Variants in NALF1 observed in about 807,000 individuals in gnomAD.
NALF1 encodes family with sequence similarity 155 member A.
NALF1 carries 3 observed loss-of-function variants against 48.4 expected under a neutral mutation model. That is an observed-to-expected ratio of 0.06 (90% CI 0.03 to 0.16). The LOEUF (loss-of-function observed/expected upper bound fraction) is 0.16, where lower values mean the gene tolerates loss of function less well. NALF1 is among the 10% of genes least tolerant of loss of function. The probability of loss-of-function intolerance (pLI) is 1.00; values close to 1 mark genes in which losing one functional copy is unlikely to be tolerated. For synonymous variants in NALF1, 262 were observed against 245.7 expected (o/e 1.07, Z -0.62); for missense variants, 526 against 571.5 (o/e 0.92, Z 0.81).
intron 1 of NALF1, among the ~76,000 whole-genome samples, chr13:107,832,760 C>T (rs780671615): frequency 2.6e-5 from 4 of 152,286 alleles, no homozygotes; most frequent in Non-Finnish European, 2.9e-5. Flanking sequence ...TCTCCTCTGT[C>T]TCGCTAATTA....
chr13:107,818,213 T>A (rs1023516658), intron 1 of NALF1, among the ~76,000 whole-genome samples: 1 of 152,134 alleles, frequency 6.6e-6, no homozygotes, highest in African/African-American at 2.4e-5. Context: ...TTGCTCCCGT[T>A]CAGTTAGACA....
intron 1 of NALF1, among the ~76,000 whole-genome samples, chr13:107,526,412 T>C (rs950504886): frequency 6.6e-6 from 1 of 152,178 alleles, no homozygotes; most frequent in Non-Finnish European, 1.5e-5. Flanking sequence ...TTATGTTATC[T>C]ATGTATCCCT....
chr13:107,582,149 C>A (rs1268357016), intron 1 of NALF1, among the ~76,000 whole-genome samples: 1 of 152,158 alleles, frequency 6.6e-6, no homozygotes, highest in African/African-American at 2.4e-5. Flanking sequence ...ATTTTGTTGA[C>A]TCATGGTGCC....
chr13:107,404,579 T>C (rs903542547), intron 1 of NALF1, among the ~76,000 whole-genome samples: 20 of 152,220 alleles, frequency 1.3e-4, no homozygotes, highest in African/African-American at 4.3e-4. Context: ...ATGAAAATTG[T>C]AGGGAACAAA....
chr13:107,745,149 G>A (rs1315599878), intron 1 of NALF1, among the ~76,000 whole-genome samples: 1 of 152,164 alleles, frequency 6.6e-6, no homozygotes, highest in Admixed American at 6.6e-5. Flanking sequence ...ATTTTTAACT[G>A]CAACTAAAAC....
chr13:107,637,324 A>G (rs1880006526), intron 1 of NALF1, among the ~76,000 whole-genome samples: 1 of 151,966 alleles, frequency 6.6e-6, no homozygotes, highest in Admixed American at 6.6e-5. Flanking sequence ...TCATGATGTA[A>G]TTATTCTATT....
chr13:107,271,759 T>C (rs1881170120), intron 1 of NALF1, among the ~76,000 whole-genome samples: 1 of 144,276 alleles, frequency 6.9e-6, no homozygotes, highest in Non-Finnish European at 1.5e-5. Flanking sequence ...TTCCTTCTCC[T>C]CTTTTGCTAC....
intron 1 of NALF1, among the ~76,000 whole-genome samples, chr13:107,377,314 G>A (rs1883356274): frequency 6.6e-6 from 1 of 152,220 alleles, no homozygotes; most frequent in Non-Finnish European, 1.5e-5. Flanking sequence ...GAAGGATCTG[G>A]AGGCAGCTCT....
intron 1 of NALF1, among the ~76,000 whole-genome samples, chr13:107,328,835 T>G (rs181295953): frequency 6.2e-4 from 95 of 152,244 alleles, no homozygotes; most frequent in Admixed American, 1.2e-3. Context: ...TATCAAAAAT[T>G]TACCCCTTTT....
chr13:107,377,235 C>T (rs1337431338), intron 1 of NALF1, among the ~76,000 whole-genome samples: 1 of 152,152 alleles, frequency 6.6e-6, no homozygotes, highest in Admixed American at 6.5e-5. Context: ...TTCATCTGCT[C>T]TAAAATGTGT....
chr13:107,422,309 A>G (rs1884202594), intron 1 of NALF1, among the ~76,000 whole-genome samples: 1 of 152,192 alleles, frequency 6.6e-6, no homozygotes, highest in Non-Finnish European at 1.5e-5. Context: ...AACTGCTTTC[A>G]TGCTCTTACC....
chr13:107,658,519 C>A (rs1168795121), intron 1 of NALF1, among the ~76,000 whole-genome samples: 1 of 152,146 alleles, frequency 6.6e-6, no homozygotes, highest in African/African-American at 2.4e-5. Context: ...TACCTCTAAG[C>A]CAAATGAATT....
chr13:107,233,993 C>T (rs1256173784), intron 1 of NALF1, among the ~76,000 whole-genome samples: 2 of 152,106 alleles, frequency 1.3e-5, no homozygotes, highest in Admixed American at 1.3e-4. Flanking sequence ...ATAGGAGAAA[C>T]AGAACAGCAG....
intron 2 of NALF1, among the ~76,000 whole-genome samples, chr13:107,173,873 C>T (rs528330950): frequency 1.3e-5 from 2 of 152,292 alleles, no homozygotes; most frequent in South Asian, 4.1e-4. Context: ...ACCTTCAGAA[C>T]TTGTCCTTTA....
At chr13:107,224,943 A>G (rs1448396830) in intron 1 of NALF1, among the ~76,000 whole-genome samples, 4 of 152,208 alleles carry the variant, frequency 2.6e-5, no homozygotes, top group African/African-American at 7.2e-5. Context: ...AAACAAAGCA[A>G]GCACATCAAT....
chr13:107,817,871 AG>A (rs1290566748), intron 1 of NALF1, among the ~76,000 whole-genome samples: 2 of 152,120 alleles, frequency 1.3e-5, no homozygotes, highest in Admixed American at 1.3e-4. Context: ...GCATCATAGT[AG>A]CGCAGCCCAA....
chr13:107,810,112 T>C (rs1049069651), intron 1 of NALF1, among the ~76,000 whole-genome samples: 1 of 152,086 alleles, frequency 6.6e-6, no homozygotes, highest in Non-Finnish European at 1.5e-5. Context: ...TCCTTACCAA[T>C]CCTCTTTCCT....
At chr13:107,565,402 T>TA (rs1296463515) in intron 1 of NALF1, among the ~76,000 whole-genome samples, 1 of 105,240 alleles carries the variant, frequency 9.5e-6, no homozygotes, top group Non-Finnish European at 2.2e-5. Flanking sequence ...AAAAAAAAAG[T>TA]AAAAAAGATT....
intron 1 of NALF1, among the ~76,000 whole-genome samples, chr13:107,630,556 T>C (rs1283205623): frequency 6.6e-6 from 1 of 152,176 alleles, no homozygotes; most frequent in African/African-American, 2.4e-5. Flanking sequence ...ACCATCTTTT[T>C]ACCTGATGTC....
Sources: gnomAD v4.1 joint callset for allele counts (sites outside exome capture counted in the v4.1 genomes callset) on GRCh38, gnomAD v4.1.1 for gene constraint, MANE v1.5 for transcripts, NCBI Gene and HGNC (gene_info 2026-07-23, HGNC 2026-07-21) for gene names.